NRXN3: variants seen among roughly 807,000 people sequenced by gnomAD.
The protein encoded by NRXN3 is neurexin 3, also known as neurexin III.
NRXN3 carries 32 observed loss-of-function variants against 137.6 expected under a neutral mutation model. The observed-to-expected ratio is 0.23, with a 90% confidence interval of 0.18 to 0.31. The LOEUF is 0.31. Among genes scored for constraint, NRXN3 ranks in the 10% least tolerant of loss-of-function variants. The pLI, the probability that NRXN3 is intolerant of heterozygous loss-of-function variation, is 1.00. For missense variants in NRXN3, 1,574 were observed against 2,062.5 expected (o/e 0.76, Z 4.59); for synonymous variants, 798 against 784.5 (o/e 1.02, Z -0.29).
chr14:79,002,267 A>T (rs1480270644), intron 15 of NRXN3, among the ~76,000 whole-genome samples: 1 of 152,200 alleles, frequency 6.6e-6, no homozygotes, highest in African/African-American at 2.4e-5. Flanking sequence ...GGTTTGTTAC[A>T]TAGGTAAACA....
intron 4 of NRXN3, among the ~76,000 whole-genome samples, chr14:78,383,734 A>G (rs1464776537): frequency 6.6e-6 from 1 of 152,178 alleles, no homozygotes. Flanking sequence ...CCTTACCAGT[A>G]GAATGGGGCT....
chr14:78,563,239 T>C lies in NRXN3; in HGVS notation c.758-81881T>C, dbSNP rs183236343. 4.1e-4 allele frequency among the ~76,000 whole-genome samples: 62 copies of C among 152,346 alleles called. 1 individual carries two copies. The highest frequency in any genetic ancestry group is 1.4e-3 in the African/African-American group (58 of 41,576). On this transcript the variant is annotated intron_variant, in intron 4 of 20. Coordinates refer to ENST00000335750, the MANE Select transcript of NRXN3 (RefSeq NM_001330195.2). ...CATTGTCACTTTTGCTATATTTTGT[T>C]GATCAAAAGCAAGGCAAAGGGCTCT...
intron 14 of NRXN3, among the ~76,000 whole-genome samples, chr14:78,975,203 A>G (rs1276103335): frequency 6.6e-6 from 1 of 152,138 alleles, no homozygotes; most frequent in Non-Finnish European, 1.5e-5. Flanking sequence ...GAAAACTCCT[A>G]TCCTAGAGAC....
intron 15 of NRXN3, among the ~76,000 whole-genome samples, chr14:79,068,541 T>C (rs752195227): frequency 6.6e-6 from 1 of 152,154 alleles, no homozygotes; most frequent in East Asian, 1.9e-4. Context: ...ATGGGAAGTA[T>C]AAATTTGATC....
At chr14:78,257,074 A>G (rs2069757710) in intron 2 of NRXN3, among the ~76,000 whole-genome samples, 1 of 152,096 alleles carries the variant, frequency 6.6e-6, no homozygotes, top group African/African-American at 2.4e-5. Context: ...CTTCATGGGG[A>G]GATACTCCAG....
intron 19 of NRXN3, among the ~76,000 whole-genome samples, chr14:79,711,570 T>TTGGAG: frequency 6.6e-6 from 1 of 152,254 alleles, no homozygotes; most frequent in Middle Eastern, 3.4e-3. Flanking sequence ...TCCTCCTGCG[T>TTGGAG]TGGAGTGCTG....
At chr14:78,672,695 A>T (rs1049527662) in intron 6 of NRXN3, among the ~76,000 whole-genome samples, 1 of 152,216 alleles carries the variant, frequency 6.6e-6, no homozygotes, top group Admixed American at 6.5e-5. Flanking sequence ...ATATAAAAAC[A>T]TGCTTGCTGT....
At chr14:78,482,887 T>G (rs987732362) in intron 4 of NRXN3, among the ~76,000 whole-genome samples, 5 of 152,202 alleles carry the variant, frequency 3.3e-5, no homozygotes, top group African/African-American at 4.8e-5. Flanking sequence ...CTAGTCAATC[T>G]GGGTTGCAGT....
chr14:79,611,878 C>T (rs2098107432), intron 16 of NRXN3: 1 of 152,174 alleles, frequency 6.6e-6, no homozygotes. Context: ...ATAGCTGGAT[C>T]ATGCATAGCA....
intron 15 of NRXN3, among the ~76,000 whole-genome samples, chr14:79,350,041 A>G (rs2093128820): frequency 6.6e-6 from 1 of 152,230 alleles, no homozygotes; most frequent in Non-Finnish European, 1.5e-5. Context: ...ATTTATGACT[A>G]GCATTTCATA....
At chr14:79,380,875 C>T (rs2094451421) in intron 15 of NRXN3, among the ~76,000 whole-genome samples, 1 of 152,122 alleles carries the variant, frequency 6.6e-6, no homozygotes, top group South Asian at 2.1e-4. Flanking sequence ...AGATATACTT[C>T]TAACATAATC....
chr14:79,822,012 C>A (rs573067514), intron 20 of NRXN3, among the ~76,000 whole-genome samples: 1 of 152,238 alleles, frequency 6.6e-6, no homozygotes, highest in South Asian at 2.1e-4. Flanking sequence ...CTTCCCTCTA[C>A]TGGACATTGT....
At chr14:79,429,372 G>T (rs1220099442) in intron 15 of NRXN3, among the ~76,000 whole-genome samples, 2 of 152,232 alleles carry the variant, frequency 1.3e-5, no homozygotes, top group African/African-American at 4.8e-5. Context: ...GTGGCTTCTG[G>T]AGTGAATTTC....
At chr14:79,231,531 T>C (rs1285136544) in intron 15 of NRXN3, among the ~76,000 whole-genome samples, 1 of 152,192 alleles carries the variant, frequency 6.6e-6, no homozygotes, top group Non-Finnish European at 1.5e-5. Flanking sequence ...GGTGCTCATC[T>C]GTCAGATAGA....
intron 19 of NRXN3, among the ~76,000 whole-genome samples, chr14:79,773,007 G>T (rs888214442): frequency 6.6e-6 from 1 of 152,032 alleles, no homozygotes; most frequent in South Asian, 2.1e-4. Context: ...CATTTATGCA[G>T]CCAAAAAACA....
intron 6 of NRXN3, among the ~76,000 whole-genome samples, chr14:78,663,105 T>C (rs1487422173): frequency 6.6e-6 from 1 of 152,218 alleles, no homozygotes; most frequent in East Asian, 1.9e-4. Context: ...AGCGAGTGTC[T>C]TTCCCACTTA....
At chr14:78,983,413 G>A (rs2099494502) in intron 14 of NRXN3, among the ~76,000 whole-genome samples, 1 of 152,198 alleles carries the variant, frequency 6.6e-6, no homozygotes, top group Non-Finnish European at 1.5e-5. Context: ...ATCCTCAGAT[G>A]AATGGATAAA....
intron 16 of NRXN3, among the ~76,000 whole-genome samples, chr14:79,605,062 TAAAAAC>T (rs1425216066): frequency 6.6e-6 from 1 of 151,998 alleles, no homozygotes; most frequent in African/African-American, 2.4e-5. Flanking sequence ...AAGTAAAAAA[TAAAAAC>T]ACCATTCAAT....
intron 4 of NRXN3, among the ~76,000 whole-genome samples, chr14:78,420,528 A>G (rs1245919232): frequency 6.6e-6 from 1 of 152,196 alleles, no homozygotes; most frequent in South Asian, 2.1e-4. Context: ...TACACTCCTC[A>G]CCTTTCAGTG....
Sources: allele counts gnomAD v4.1 joint callset (sites outside exome capture counted in the v4.1 genomes callset), GRCh38; gene constraint gnomAD v4.1.1; transcripts MANE v1.5; gene names NCBI Gene and HGNC (gene_info 2026-07-23, HGNC 2026-07-21).